PTPRR: variants seen among roughly 807,000 people sequenced by gnomAD.
PTPRR encodes the protein receptor-type tyrosine-protein phosphatase R.
In PTPRR, 38 loss-of-function variants were observed where a neutral mutation model predicts 77.2. That is an observed-to-expected ratio of 0.49 (90% CI 0.38 to 0.65). The LOEUF is 0.65. Among genes scored for constraint, PTPRR ranks in the 30% least tolerant of loss-of-function variants. The pLI, the probability that PTPRR is intolerant of heterozygous loss-of-function variation, is 0.00. For synonymous variants in PTPRR, 299 were observed against 283.1 expected, an observed-to-expected ratio of 1.06 and a Z score of -0.57; for missense variants, 744 against 799.2, an observed-to-expected ratio of 0.93 and a Z score of 0.83.
chr12:70,733,015 A>G (rs1889716907), intron 6 of PTPRR, among the ~76,000 whole-genome samples: 1 of 152,188 alleles, frequency 6.6e-6, no homozygotes, highest in Non-Finnish European at 1.5e-5. Context: ...CTTGAGGGAA[A>G]TCAAAGCCGA....
At chr12:70,706,110 T>C (rs1424593919) in intron 6 of PTPRR, among the ~76,000 whole-genome samples, 3 of 152,156 alleles carry the variant, frequency 2.0e-5, no homozygotes, top group Admixed American at 1.3e-4. Flanking sequence ...TGGAATTCTT[T>C]TACTTTGTGT....
At chr12:70,716,936 A>G (rs1889053684) in intron 6 of PTPRR, among the ~76,000 whole-genome samples, 1 of 152,224 alleles carries the variant, frequency 6.6e-6, no homozygotes, top group South Asian at 2.1e-4. Context: ...TCACTGCAAG[A>G]ATATATCATC....
chr12:70,779,379 A>C (rs1233853811), intron 2 of PTPRR, among the ~76,000 whole-genome samples: 1 of 151,540 alleles, frequency 6.6e-6, no homozygotes, highest in East Asian at 1.9e-4. Flanking sequence ...GCTCATTTTT[A>C]CCTTATGGGC....
chr12:70,782,410 T>C (rs1026547287), intron 2 of PTPRR, among the ~76,000 whole-genome samples: 6 of 152,118 alleles, frequency 3.9e-5, no homozygotes, highest in African/African-American at 1.4e-4. Context: ...TGTGGCACTA[T>C]TCACAATAGC....
intron 6 of PTPRR, among the ~76,000 whole-genome samples, chr12:70,719,998 A>T (rs1000422455): frequency 1.4e-4 from 21 of 152,392 alleles, no homozygotes; most frequent in African/African-American, 4.8e-4. Flanking sequence ...GTGGCGCACA[A>T]GCGCCACCTG....
chr12:70,842,551 A>G (rs1057114075), intron 2 of PTPRR, among the ~76,000 whole-genome samples: 5 of 152,276 alleles, frequency 3.3e-5, no homozygotes, highest in East Asian at 1.9e-4. Context: ...GCCTCTTCCA[A>G]CTTCTGGCAG....
chr12:70,677,389 C>A (rs899557043), intron 10 of PTPRR, among the ~76,000 whole-genome samples: 1 of 152,020 alleles, frequency 6.6e-6, no homozygotes, highest in South Asian at 2.1e-4. Context: ...CCTTCCTTTC[C>A]GATTTTGCCT....
At chr12:70,847,908 A>G (rs953721468) in intron 2 of PTPRR, among the ~76,000 whole-genome samples, 2 of 152,346 alleles carry the variant, frequency 1.3e-5, no homozygotes, top group Non-Finnish European at 2.9e-5. Flanking sequence ...GTTACTTTTC[A>G]TAAACATAAT....
At chr12:70,879,780 T>C (rs1893117628) in intron 2 of PTPRR, among the ~76,000 whole-genome samples, 1 of 152,186 alleles carries the variant, frequency 6.6e-6, no homozygotes, top group Non-Finnish European at 1.5e-5. Flanking sequence ...TTAGACAGAA[T>C]ATGTTACAGA....
At position 70,825,170 on chromosome 12, in the gene PTPRR, C is replaced by T. The variant is rs900608029; in HGVS notation, c.358-60392G>A. The stretch of plus-strand genomic sequence containing the variant: ...TGGTGGGCCTGTAGTCCCAACTACT[C>T]GGGAGGCTGAGGCAAGAGAATCGCT... On this transcript the variant is annotated intron_variant, in intron 2 of 13. Transcript: ENST00000283228. 4.6e-5 allele frequency among the ~76,000 whole-genome samples: 7 copies of T among 151,732 alleles called. 1 individual carries two copies. Among genetic ancestry groups the T allele is most frequent in the African/African-American group, 7.3e-5 (3 of 41,280 alleles).
chr12:70,833,270 G>A (rs1174111147), intron 2 of PTPRR, among the ~76,000 whole-genome samples: 1 of 152,136 alleles, frequency 6.6e-6, no homozygotes, highest in Admixed American at 6.5e-5. Flanking sequence ...AAAGCATAGA[G>A]GTTGCCACTC....
intron 6 of PTPRR, among the ~76,000 whole-genome samples, chr12:70,741,440 G>T (rs1326930534): frequency 1.3e-5 from 2 of 152,172 alleles, no homozygotes; most frequent in Admixed American, 6.5e-5. Context: ...CCTCAAATTG[G>T]CTTCCAAGAG....
intron 13 of PTPRR, among the ~76,000 whole-genome samples, chr12:70,644,589 G>A (rs1282578954): frequency 6.6e-6 from 1 of 152,174 alleles, no homozygotes; most frequent in Non-Finnish European, 1.5e-5. Flanking sequence ...ATTGTTGTGA[G>A]AAATAAATGG....
chr12:70,884,712 C>A (rs1417091987), intron 2 of PTPRR, among the ~76,000 whole-genome samples: 2 of 147,718 alleles, frequency 1.4e-5, no homozygotes, highest in Non-Finnish European at 3.0e-5. Context: ...CTAAAAAATA[C>A]AAAAAAAAAA....
intron 2 of PTPRR, among the ~76,000 whole-genome samples, chr12:70,833,494 G>A (rs1320654981): frequency 2.0e-5 from 3 of 152,104 alleles, no homozygotes; most frequent in Non-Finnish European, 4.4e-5. Context: ...GAACTCATGG[G>A]AGCAAATGAG....
intron 2 of PTPRR, among the ~76,000 whole-genome samples, chr12:70,816,771 A>AAAACAGT (rs1312397533): frequency 1.3e-5 from 2 of 152,098 alleles, no homozygotes; most frequent in Non-Finnish European, 1.5e-5. Flanking sequence ...TAACAAGAGA[A>AAAACAGT]AAACAGTATT....
At position 70,745,964 on chromosome 12, in the gene PTPRR, G is replaced by A. The variant is rs1381492700; in HGVS notation, c.861C>T (p.His287=). 1 of 1,614,176 alleles carries A rather than the reference G, an allele frequency of 6.2e-7. No homozygotes were observed. The highest frequency in any genetic ancestry group is 1.7e-4 in the Middle Eastern group (1 of 6,056). ...GGGCCTGCTCAGGTTGGACCATGCTGTGGACTGTCTTTGCCTCGGACAGTG... is the reference window on the plus strand; with the variant it reads ...GGGCCTGCTCAGGTTGGACCATGCTATGGACTGTCTTTGCCTCGGACAGTG... ...QPALSEAKTV[H]SMVQPEQAPK... The change falls in exon 6 of 14, where the codon CAC becomes CAT. Residue 287 remains histidine, a synonymous_variant. Coordinates refer to ENST00000283228, the MANE Select transcript of PTPRR (RefSeq NM_002849.4).
chr12:70,846,430 A>T (rs1165162007), intron 2 of PTPRR, among the ~76,000 whole-genome samples: 2 of 152,178 alleles, frequency 1.3e-5, no homozygotes, highest in East Asian at 1.9e-4. Context: ...GGCACTTAAG[A>T]CTCACTTGTT....
At chr12:70,838,839 C>A (rs776036143) in intron 2 of PTPRR, among the ~76,000 whole-genome samples, 8 of 152,096 alleles carry the variant, frequency 5.3e-5, no homozygotes, top group African/African-American at 1.9e-4. Context: ...GTTTGACTAA[C>A]GGGGATTGTT....
Sources: gnomAD v4.1 joint callset for allele counts (sites outside exome capture counted in the v4.1 genomes callset) on GRCh38, gnomAD v4.1.1 for gene constraint, MANE v1.5 for transcripts, NCBI Gene and HGNC (gene_info 2026-07-23, HGNC 2026-07-21) for gene names.